AKAP13: variants seen among roughly 807,000 people sequenced by gnomAD.
The protein encoded by AKAP13 is A-kinase anchoring protein 13, also known as A-kinase anchor protein 13.
Under a neutral mutation model 264.5 loss-of-function variants are expected in AKAP13, and 80 were observed. The ratio of observed to expected loss-of-function variants is 0.30; its 90% CI spans 0.25 to 0.36. The LOEUF is 0.36. Ranked by LOEUF, AKAP13 falls within the 10% of genes least tolerant of loss-of-function variation. AKAP13 has a pLI of 1.00. For synonymous variants in AKAP13, 1,380 were observed against 1,250.2 expected, an observed-to-expected ratio of 1.10 and a Z score of -2.19; for missense variants, 3,712 against 3,435.2, an observed-to-expected ratio of 1.08 and a Z score of -2.01.
chr15:85,543,767 T>A lies in AKAP13; in HGVS notation c.479-5T>A, dbSNP rs769363756. On this transcript the variant is annotated splice_polypyrimidine_tract_variant and splice_region_variant and intron_variant, in intron 4 of 36. Coordinates refer to ENST00000394518, the MANE Select transcript of AKAP13 (RefSeq NM_007200.5). ...ACTTACGTTCATTTTCTCCCCCATT[T>A]ACAGATGCTGGCCCGCGAGAGACAT... The A allele has an allele frequency of 2.5e-6, 4 of 1,594,734 alleles. No individual in the cohort carries two copies. The Admixed American group carries it at 7.1e-5, about 28-fold the overall frequency.
At chr15:85,575,038 A>G (rs570255837) in intron 5 of AKAP13, 93 bp from the exon 6 acceptor site, 9 of 1,264,534 alleles carry the variant, frequency 7.1e-6, no homozygotes, top group South Asian at 2.6e-5. Flanking sequence ...TCAAAGAACA[A>G]TCAGGTTAGA....
chr15:85,432,161 C>A (rs2073051760), intron 1 of AKAP13, among the ~76,000 whole-genome samples: 1 of 151,998 alleles, frequency 6.6e-6, no homozygotes, highest in African/African-American at 2.4e-5. Flanking sequence ...TCTCTTTTAG[C>A]TATTTCAACT....
intron 5 of AKAP13, among the ~76,000 whole-genome samples, chr15:85,545,685 A>C (rs781218157): frequency 2.6e-5 from 4 of 152,192 alleles, no homozygotes; most frequent in Non-Finnish European, 5.9e-5. Flanking sequence ...CTGAGTCATA[A>C]TTAGCGATTA....
At chr15:85,538,428 C>T (rs908192649) in intron 4 of AKAP13, among the ~76,000 whole-genome samples, 13 of 151,986 alleles carry the variant, frequency 8.6e-5, no homozygotes, top group African/African-American at 3.1e-4. Flanking sequence ...ATAGGTCGCC[C>T]ACCATAATCA....
intron 12 of AKAP13, among the ~76,000 whole-genome samples, chr15:85,662,681 T>C (rs2083413145): frequency 6.6e-6 from 1 of 152,228 alleles, no homozygotes; most frequent in African/African-American, 2.4e-5. Flanking sequence ...GGCCATAGAT[T>C]TGATGTTTTC....
In AKAP13 at chr15:85,587,656, T is replaced by A. The variant is rs2079415913; in HGVS notation, c.4161+1833T>A. On this transcript the variant is annotated intron_variant, in intron 8 of 36. Coordinates refer to ENST00000394518, the MANE Select transcript of AKAP13 (RefSeq NM_007200.5). ...TATTAACTTTTATTTTATTTTATTT[T>A]TTATTTTTTTGAGATGAAGTCTTAC... 2.6e-5 allele frequency among the ~76,000 whole-genome samples: 4 copies of A among 152,300 alleles called. No homozygotes were observed. The South Asian group carries it at 8.3e-4, about 32-fold the overall frequency.
chr15:85,604,604 C>T (rs997548079), intron 8 of AKAP13, among the ~76,000 whole-genome samples: 4 of 152,028 alleles, frequency 2.6e-5, no homozygotes, highest in African/African-American at 7.2e-5. Context: ...GCTAGGATTA[C>T]AGGCACCTGC....
At chr15:85,719,914 CA>C (rs879912262) in intron 23 of AKAP13, among the ~76,000 whole-genome samples, 462 of 131,880 alleles carry the variant, frequency 3.5e-3, no homozygotes, top group African/African-American at 0.011. Context: ...TACTCTGTCT[CA>C]AAAAAAAAAA....
intron 17 of AKAP13, among the ~76,000 whole-genome samples, chr15:85,697,509 C>T (rs576304127): frequency 2.0e-5 from 3 of 152,248 alleles, no homozygotes; most frequent in African/African-American, 7.2e-5. Context: ...GCGGAGGTTG[C>T]AGTGAGCTGA....
chr15:85,564,029 T>G (rs1298236858), intron 5 of AKAP13, among the ~76,000 whole-genome samples: 4 of 152,184 alleles, frequency 2.6e-5, no homozygotes, highest in Admixed American at 6.5e-5. Flanking sequence ...CTCAATTTCC[T>G]CATCTCTGAA....
chr15:85,579,715 T>C lies in AKAP13; in HGVS notation c.1647T>C (p.Ala549=), dbSNP rs200138416. Residue 549 remains alanine, a synonymous_variant, in exon 7 of 37, where the codon GCT becomes GCC. Coordinates refer to ENST00000394518, the MANE Select transcript of AKAP13 (RefSeq NM_007200.5). ...GTTCCCTGGATGGTAACAAACCTGC[T>C]GAGTCTTCACTTGCATTTAGTAATG... ...AASSLDGNKP[A]ESSLAFSNEE... 6.2e-7 allele frequency: 1 copy of C among 1,614,238 alleles called. No homozygotes were observed. The highest frequency in any genetic ancestry group is 2.2e-5 in the East Asian group (1 of 44,888).
chr15:85,508,211 T>C (rs2076299670), intron 2 of AKAP13, among the ~76,000 whole-genome samples: 1 of 151,764 alleles, frequency 6.6e-6, no homozygotes. Context: ...TGGCACAGTC[T>C]TGGCTCATTG....
intron 1 of AKAP13, among the ~76,000 whole-genome samples, chr15:85,468,287 G>A (rs973752114): frequency 1.3e-5 from 2 of 152,182 alleles, no homozygotes; most frequent in African/African-American, 2.4e-5. Flanking sequence ...CCTTTTAGAC[G>A]GTCAGAGTCT....
chr15:85,650,374 T>C (rs950242425), intron 10 of AKAP13, among the ~76,000 whole-genome samples: 2 of 151,996 alleles, frequency 1.3e-5, no homozygotes, highest in African/African-American at 4.8e-5. Flanking sequence ...AAGGCTGCAA[T>C]GAGCTGTGAT....
chr15:85,607,080 T>C, intron 8 of AKAP13, among the ~76,000 whole-genome samples: 1 of 151,646 alleles, frequency 6.6e-6, no homozygotes, highest in Non-Finnish European at 1.5e-5. Context: ...TTTTTTTTTT[T>C]GAGACTTAAC....
chr15:85,729,454 G>A (rs997557150), intron 29 of AKAP13, among the ~76,000 whole-genome samples: 16 of 152,186 alleles, frequency 1.1e-4, no homozygotes, highest in African/African-American at 3.6e-4. Flanking sequence ...GAGGTAGTGG[G>A]CTGGAGAAAA....
At chr15:85,522,157 A>T (rs1041905611) in intron 3 of AKAP13, among the ~76,000 whole-genome samples, 1 of 152,152 alleles carries the variant, frequency 6.6e-6, no homozygotes, top group Non-Finnish European at 1.5e-5. Context: ...TGTGTTGGTG[A>T]TGGGGAGAAA....
chr15:85,508,228 C>T (rs898350924), intron 2 of AKAP13, among the ~76,000 whole-genome samples: 6 of 151,534 alleles, frequency 4.0e-5, no homozygotes, highest in African/African-American at 9.7e-5. Context: ...ATTGCAGCCT[C>T]GACTTCCTGG....
intron 1 of AKAP13, among the ~76,000 whole-genome samples, chr15:85,423,924 C>T (rs1306311235): frequency 2.6e-5 from 4 of 152,120 alleles, no homozygotes; most frequent in East Asian, 1.9e-4. Context: ...CTTGGGTGAC[C>T]CAGGTGCATT....
Sources: allele counts gnomAD v4.1 joint callset (sites outside exome capture counted in the v4.1 genomes callset), GRCh38; gene constraint gnomAD v4.1.1; transcripts MANE v1.5; gene names NCBI Gene and HGNC (gene_info 2026-07-23, HGNC 2026-07-21).